The following KMT2D variants were observed in gnomAD, a reference collection of about 807,000 sequenced individuals.
KMT2D encodes histone-lysine N-methyltransferase 2D.
KMT2D carries 55 observed loss-of-function variants against 512.7 expected under a neutral mutation model. The observed-to-expected ratio is 0.11, with a 90% CI of 0.09 to 0.13. The LOEUF is 0.13. Ranked by LOEUF, KMT2D falls within the 10% of genes least tolerant of loss-of-function variation. The pLI, the probability that KMT2D is intolerant of heterozygous loss-of-function variation, is 1.00. For missense variants in KMT2D, 6,061 were observed against 7,127.9 expected (o/e 0.85, Z 5.39); for synonymous variants, 2,995 against 2,904.0 (o/e 1.03, Z -1.01).
rs1938143387 is a variant in KMT2D, at chr12:49,052,624, G to C, written c.1198C>G (p.His400Asp). ...VACQGQPKGG[H>D]VTSMQPKEPG... ...TCCTTGGGTTGCATAGAGGTCACGT[G>C]CCCACCCTTTGGCTGCCCTTGGCAT... is the stretch of plus-strand genomic sequence containing the variant. The change falls in exon 10 of 55, where the codon CAC becomes GAC. Residue 400 changes from histidine to aspartate, a missense_variant. By Grantham distance (81) the His-to-Asp change is moderately conservative. Coordinates refer to ENST00000301067, the MANE Select transcript of KMT2D (RefSeq NM_003482.4). The C allele has an allele frequency of 6.2e-7, 1 of 1,613,590 alleles. No homozygotes were observed. The highest frequency in any genetic ancestry group is 1.1e-5 in the South Asian group (1 of 91,030).
Position 49,042,323 on chromosome 12 carries a change from C to T in KMT2D, c.5875G>A (p.Gly1959Arg). 1.3e-6 allele frequency: 2 copies of T among 1,534,888 alleles called. No homozygotes were observed. Among genetic ancestry groups the T allele is most frequent in the Non-Finnish European group, 1.8e-6 (2 of 1,139,768 alleles). The change falls in exon 29 of 55, where the codon GGG becomes AGG. Residue 1959 changes from glycine (G) to arginine (R), a missense_variant. By Grantham distance (125) the Gly-to-Arg change is moderately radical. Around this residue, in one of 16 missense-constraint regions of KMT2D, gnomAD observed 640 missense variants for 814.3 expected, o/e 0.79. Coordinates refer to ENST00000301067, the MANE Select transcript of KMT2D (RefSeq NM_003482.4). This position sits in a 1 kb window ranked among gnomAD's most constrained non-coding sequence, Gnocchi z 4.4. ...QSPFLDSRER[G>R]GFFSPEPGEP... ...CCGGGTTCCGGGCTAAAGAAGCCCC[C>T]GCGCTCCCTGGGGCGCAGGGGCAGA...
rs747508671 is a variant in KMT2D at position 49,026,405 on chromosome 12, G to A, written c.15561C>T (p.Ala5187=). The A allele has an allele frequency of 6.2e-7, 1 of 1,613,870 alleles. No homozygotes were observed. The highest frequency in any genetic ancestry group is 1.1e-5 in the South Asian group (1 of 91,078). ...TCTGGTGAGGCAGCAGCTGTCCGAT[G>A]GCGTGGAACACAAGGCCCCCCACAC... ...MFRVGGLVFH[A]IGQLLPHQMA... Residue 5187 remains alanine (A), a synonymous_variant, in exon 49 of 55, where the codon GCC becomes GCT. Transcript: ENST00000301067. This position sits in a 1 kb window ranked among gnomAD's most constrained non-coding sequence, Gnocchi z 9.6.
rs747977385 is a variant in KMT2D, at chr12:49,051,013, G to A, written c.2670C>T (p.Ser890=). ...CTGGCTCTCCAAGCAAGGGAGATAA[G>A]GATGGTTCCCCAGGGGGAGGGAACA... ...LPLFPPPGEP[S]LSPLLGEPAL... The change falls in exon 11 of 55, where the codon TCC becomes TCT. Residue 890 remains serine (S), a synonymous_variant. Transcript: ENST00000301067. The A allele has an allele frequency of 2.6e-6, 4 of 1,567,814 alleles. No homozygotes were observed. Among genetic ancestry groups the A allele is most frequent in the Admixed American group, 3.8e-5 (2 of 52,654 alleles).
In KMT2D at chr12:49,051,364, C is replaced by A. The variant is rs752689929; in HGVS notation, c.2319G>T (p.Gln773His). The A allele has an allele frequency of 6.2e-7, 1 of 1,608,872 alleles. No individual in the cohort carries two copies. The highest frequency in any genetic ancestry group is 1.7e-5 in the Admixed American group (1 of 59,772). Residue 773 changes from glutamine (Q) to histidine (H), a missense_variant, in exon 11 of 55, where the codon CAG becomes CAT. By Grantham distance (24) the Gln-to-His change is conservative. This residue lies in a region of KMT2D where 848 missense variants were observed against 838.5 expected (regional missense o/e 1.01). Transcript: ENST00000301067. Reference sequence around the variant, plus strand: ...CAGCGCATAGGCATGGCTCCTCAGGCTGGGGGGACAGGTGTGGCTCCTCAG... The same window carrying A: ...CAGCGCATAGGCATGGCTCCTCAGGATGGGGGGACAGGTGTGGCTCCTCAG... ...PQAEEPHLSP[Q>H]PEEPCLCAVP...
Position 49,052,164 on chromosome 12 carries a change from G to A in KMT2D, c.1519C>T (p.Pro507Ser), listed in dbSNP as rs2120682051. 6.2e-7 allele frequency: 1 copy of A among 1,613,582 alleles called. No individual in the cohort carries two copies. The change falls in exon 11 of 55, where the codon CCT (proline) becomes TCT (serine). Residue 507 changes from proline (P) to serine (S), a missense_variant. Pro to Ser is a moderately conservative substitution (Grantham distance 74). Coordinates refer to ENST00000301067, the MANE Select transcript of KMT2D (RefSeq NM_003482.4). ...AGTGGAGAAAAAGGTGATGATTCAG[G>A]TGGGGGAGACAGAGGAGACTCCTCA... ...PPEESPLSPP[P>S]ESSPFSPLEE...
In KMT2D at chr12:49,039,178, C is replaced by G. The variant is rs200760305; in HGVS notation, c.8366+44G>C. On this transcript the variant is annotated intron_variant, in intron 34 of 54. Coordinates refer to ENST00000301067, the MANE Select transcript of KMT2D (RefSeq NM_003482.4). This position sits in a 1 kb window ranked among gnomAD's most constrained non-coding sequence, Gnocchi z 5.0. Reference sequence around the variant, plus strand: ...CAAGAGCTTCCAACAGTGATAAAATCCATCCCCCTTGGTTTACCCCCAGGG... The same window carrying G: ...CAAGAGCTTCCAACAGTGATAAAATGCATCCCCCTTGGTTTACCCCCAGGG... 76 of 1,607,142 alleles carry G rather than the reference C, an allele frequency of 4.7e-5. No homozygotes were observed. In the African/African-American group the frequency reaches 9.2e-4, roughly 20 times the overall value.
intron 8 of KMT2D, 62 bp downstream of exon 8, chr12:49,053,145 A>C (rs1938186252): frequency 6.2e-7 from 1 of 1,611,672 alleles, no homozygotes; most frequent in South Asian, 1.1e-5. Context: ...CAACTTGTCA[A>C]GACAGAGAAT....
intron 43 of KMT2D, 113 bp downstream of exon 43, chr12:49,030,167 G>A: frequency 1.1e-6 from 1 of 890,098 alleles, no homozygotes. Context: ...GCCCTGTTAT[G>A]TAAACACACA....
rs991831800 is a variant in KMT2D at position 49,042,355 on chromosome 12, C to T, written c.5868-25G>A. Reference sequence around the variant, plus strand: ...CCTGGGGCGCAGGGGCAGAGAGTCACAGGGCGCAGGGATGCCAAGTCCCAC... The same window carrying T: ...CCTGGGGCGCAGGGGCAGAGAGTCATAGGGCGCAGGGATGCCAAGTCCCAC... On this transcript the variant is annotated intron_variant, in intron 28 of 54. Coordinates refer to ENST00000301067, the MANE Select transcript of KMT2D (RefSeq NM_003482.4). This position sits in a 1 kb window ranked among gnomAD's most constrained non-coding sequence, Gnocchi z 4.4. 16 of 1,502,828 alleles carry T rather than the reference C, an allele frequency of 1.1e-5. No homozygotes were observed. In the East Asian group the frequency reaches 2.7e-4, roughly 25 times the overall value. 93.1% of individuals were successfully genotyped at this position (1,502,828 alleles called of 1,614,324 possible).
Position 49,026,470 on chromosome 12 carries a change from C to T in KMT2D, c.15496G>A (p.Ala5166Thr), listed in dbSNP as rs758730277. ...YIERDEVKQI[A>T]SIIQRGERLH... ...CGTTCTCCCCGCTGAATGATGCTAG[C>T]GATTTGCTTCACCTCGTCCCGCTCA... The change falls in exon 49 of 55, where the codon GCT becomes ACT. Residue 5166 changes from alanine to threonine, a missense_variant. Ala to Thr is a moderately conservative substitution (Grantham distance 58). Around this residue, in one of 16 missense-constraint regions of KMT2D, gnomAD observed 261 missense variants for 440.7 expected, o/e 0.59. Coordinates refer to ENST00000301067, the MANE Select transcript of KMT2D (RefSeq NM_003482.4). The surrounding 1 kb of genome is among the most constrained non-coding windows in gnomAD (Gnocchi z 9.6). 2 of 1,613,920 alleles carry T rather than the reference C, an allele frequency of 1.2e-6. No homozygotes were observed. Among genetic ancestry groups the T allele is most frequent in the South Asian group, 1.1e-5 (1 of 91,086 alleles).
Position 49,044,512 on chromosome 12 carries a change from C to A in KMT2D, c.4974G>T (p.Glu1658Asp), listed in dbSNP as rs1412790128. The change falls in exon 21 of 55, where the codon GAG (glutamate) becomes GAT (aspartate). Residue 1658 changes from glutamate to aspartate, a missense_variant. Physicochemically the swap from Glu to Asp is conservative, Grantham distance 45 (BLOSUM62 2). Coordinates refer to ENST00000301067, the MANE Select transcript of KMT2D (RefSeq NM_003482.4). The surrounding 1 kb of genome is among the most constrained non-coding windows in gnomAD (Gnocchi z 6.4). ...DELLKGEGGVEHMECEIKLEG... is the reference protein window; with the variant it reads ...DELLKGEGGVDHMECEIKLEG... ...CCAGTTTAATTTCGCACTCCATGTG[C>A]TCCACACCACCTGCGTATGGTGACA... 11 of 1,613,836 alleles carry A rather than the reference C, an allele frequency of 6.8e-6. No homozygotes were observed. The highest frequency in any genetic ancestry group is 1.3e-5 in the African/African-American group (1 of 74,908).
Position 49,044,732 on chromosome 12 carries a change from C to T in KMT2D, c.4963+12G>A, listed in dbSNP as rs751705525. On this transcript the variant is annotated intron_variant, in intron 20 of 54. Transcript: ENST00000301067. This position sits in a 1 kb window ranked among gnomAD's most constrained non-coding sequence, Gnocchi z 6.4. ...CCCTACTCTGCCGCTCCCTAAGATT[C>T]CCCAAGCTAACCTTCACCCTTGAGC... The T allele has an allele frequency of 1.9e-5, 30 of 1,608,138 alleles. No homozygotes were observed. Among genetic ancestry groups the T allele is most frequent in the Non-Finnish European group, 2.5e-5 (29 of 1,175,076 alleles).
Position 49,026,002 on chromosome 12 carries a change from T to C in KMT2D, c.15784+180A>G, listed in dbSNP as rs1183752465. On this transcript the variant is annotated intron_variant, in intron 49 of 54. Transcript: ENST00000301067. The surrounding 1 kb of genome is among the most constrained non-coding windows in gnomAD (Gnocchi z 9.6). ...TTTTCAACTACAAGGGAATTTAGGG[T>C]GACAAGAGAGGCTCAAACACTTTCA... Among the ~76,000 whole-genome samples the C allele has an allele frequency of 2.0e-5, 3 of 152,090 alleles. No homozygotes were observed. Among genetic ancestry groups the C allele is most frequent in the Admixed American group, 2.0e-4 (3 of 15,278 alleles).
Position 49,038,667 on chromosome 12 carries a change from C to G in KMT2D, c.8689G>C (p.Gly2897Arg), listed in dbSNP as rs2120501986. 6.2e-7 allele frequency: 1 copy of G among 1,612,938 alleles called. No individual in the cohort carries two copies. Among genetic ancestry groups the G allele is most frequent in the Non-Finnish European group, 8.5e-7 (1 of 1,179,782 alleles). Residue 2897 changes from glycine to arginine, a missense_variant, in exon 35 of 55, where the codon GGT becomes CGT. Transcript: ENST00000301067. The surrounding 1 kb of genome is among the most constrained non-coding windows in gnomAD (Gnocchi z 5.7). ...GLGPGGTPFP[G>R]QGPPQRPRFY... ...CGGGGTCTCTGAGGTGGGCCCTGACCAGGAAACGGAGTGCCCCCAGGTCCC... is the reference window on the plus strand; with the variant it reads ...CGGGGTCTCTGAGGTGGGCCCTGACGAGGAAACGGAGTGCCCCCAGGTCCC...
In KMT2D at chr12:49,029,521, G is replaced by C. The variant is rs899885711; in HGVS notation, c.14000-45C>G. The C allele has an allele frequency of 1.2e-5, 17 of 1,404,418 alleles. No homozygotes were observed. In the Admixed American group the frequency reaches 2.2e-4, roughly 18 times the overall value. The allele number at this position is 1,404,418 out of a possible 1,614,324, so 87.0% of individuals were successfully genotyped here. A position where few individuals can be genotyped will look rare whatever the true frequency, so the allele number is the denominator to read the frequency against. ...AAGAAAAGTCAGGTGAGGGTGGCCA[G>C]GGCTGATGGTACCTTCTCCCAATAT... On this transcript the variant is annotated intron_variant, in intron 43 of 54. Coordinates refer to ENST00000301067, the MANE Select transcript of KMT2D (RefSeq NM_003482.4).
In KMT2D at chr12:49,031,218, G is replaced by A. The variant is rs764860964; in HGVS notation, c.13487C>T (p.Ala4496Val). Residue 4496 changes from alanine (A) to valine (V), a missense_variant, in exon 40 of 55, where the codon GCT becomes GTT. This residue lies in a region of KMT2D where 1,600 missense variants were observed against 1,754.9 expected (regional missense o/e 0.91). Coordinates refer to ENST00000301067, the MANE Select transcript of KMT2D (RefSeq NM_003482.4). ...EINGHIDSKL[A>V]GLEQKLQGTP... ...ACCCTGTAGTTTCTGCTCCAGCCCA[G>A]CCAGCTTGCTGTCAATGTGCCCGTT... 3.1e-6 allele frequency: 5 copies of A among 1,611,970 alleles called. No homozygotes were observed. The highest frequency in any genetic ancestry group is 3.3e-5 in the Admixed American group (2 of 59,968).
In KMT2D at chr12:49,019,992, C is replaced by T. The variant is rs1356477757; in HGVS notation, c.*1788G>A. 1 of 218,574 alleles carries T rather than the reference C, an allele frequency of 4.6e-6. No homozygotes were observed. The highest frequency in any genetic ancestry group is 6.6e-5 in the East Asian group (1 of 15,214). The allele number at this position is 218,574 out of a possible 1,614,324, so 13.5% of individuals were successfully genotyped here. On this transcript the variant is annotated 3_prime_UTR_variant, in exon 55 of 55. Transcript: ENST00000301067. Reference sequence around the variant, plus strand: ...TTAATTACAAAATGCCCTTTGCCCACAGCCCCTAGAAGAGAACTGCATATA... The same window carrying T: ...TTAATTACAAAATGCCCTTTGCCCATAGCCCCTAGAAGAGAACTGCATATA...
In KMT2D at chr12:49,033,448, T is replaced by C. The variant is rs746280829; in HGVS notation, c.11257A>G (p.Ile3753Val). The C allele has an allele frequency of 4.4e-6, 7 of 1,596,556 alleles. No individual in the cohort carries two copies. The Admixed American group carries it at 5.3e-5, about 12-fold the overall frequency. Reference sequence around the variant, plus strand: ...GGACCCTGCTGCTGTTGCTGCTGGATTGCCACCTGTCCTAGAAGGTGCTGC... The same window carrying C: ...GGACCCTGCTGCTGTTGCTGCTGGACTGCCACCTGTCCTAGAAGGTGCTGC... ...QQQHLLGQVA[I>V]QQQQQQGPGV... is the part of the protein sequence containing the mutation. The change falls in exon 40 of 55, where the codon ATC becomes GTC. Residue 3753 changes from isoleucine (I) to valine (V), a missense_variant. Coordinates refer to ENST00000301067, the MANE Select transcript of KMT2D (RefSeq NM_003482.4).
At chr12:49,043,454 T>C (rs764569593) in intron 24 of KMT2D, 26 bp from the exon 25 acceptor site, 3 of 1,612,374 alleles carry the variant, frequency 1.9e-6, no homozygotes, top group South Asian at 2.2e-5. Context: ...CCCCCTCCAA[T>C]CAGAGATGTC....
Sources: allele counts gnomAD v4.1 joint callset (sites outside exome capture counted in the v4.1 genomes callset), GRCh38; gene constraint gnomAD v4.1.1; regional missense constraint gnomAD v4.1.1; non-coding constraint Gnocchi (gnomAD v3.1); transcripts MANE v1.5; gene names NCBI Gene and HGNC (gene_info 2026-07-23, HGNC 2026-07-21).